The following ODC1 variants were observed in gnomAD, a reference collection of about 807,000 sequenced individuals.
ODC1 encodes the protein ornithine decarboxylase 1, also known as ornithine decarboxylase.
ODC1 carries 18 observed loss-of-function variants against 41.5 expected under a neutral mutation model. The ratio of observed to expected loss-of-function variants is 0.43; its 90% CI spans 0.30 to 0.64. ODC1 has a LOEUF of 0.64. Ranked by LOEUF, ODC1 falls within the 30% of genes least tolerant of loss-of-function variation. ODC1 has a pLI of 0.11. For missense variants in ODC1, 504 were observed against 589.0 expected (o/e 0.86, Z 1.49); for synonymous variants, 218 against 211.6 (o/e 1.03, Z -0.26).
chr2:10,442,197 A>G (rs371947722), intron 8 of ODC1, 23 bp from the exon 9 acceptor site: 3 of 1,578,242 alleles, frequency 1.9e-6, no homozygotes, highest in Non-Finnish European at 1.7e-6. Context: ...AACAGAAAAG[A>G]AAGAGCAGCC....
chr2:10,444,505 G>A lies in ODC1; in HGVS notation c.245C>T (p.Ala82Val). 6.2e-7 allele frequency: 1 copy of A among 1,613,330 alleles called. No individual in the cohort carries two copies. The change falls in exon 4 of 12, where the codon GCT (alanine) becomes GTT (valine). Residue 82 changes from alanine to valine, a missense_variant. Physicochemically the swap from Ala to Val is moderately conservative, Grantham distance 64. Transcript: ENST00000234111. ...AGCACAGTCAAATCCTGTCCCGGTA[G>A]CAGCAAGGGTCTTCACGATGGCTTT... The part of the protein sequence containing the change: ...DSKAIVKTLA[A>V]TGTGFDCASK...
chr2:10,443,218 G>C lies in ODC1; in HGVS notation c.750+12C>G, dbSNP rs917778049. 6.3e-7 allele frequency: 1 copy of C among 1,597,282 alleles called. No individual in the cohort carries two copies. Among genetic ancestry groups the C allele is most frequent in the Non-Finnish European group, 8.5e-7 (1 of 1,171,028 alleles). On this transcript the variant is annotated intron_variant, in intron 8 of 11. Coordinates refer to ENST00000234111, the MANE Select transcript of ODC1 (RefSeq NM_002539.3). ...AACGGCTACTGAGTATTACAGTTTT[G>C]TTCTAAATTACCTCTTCAAATTTAA... is the stretch of plus-strand genomic sequence containing the variant.
Position 10,441,492 on chromosome 2 carries a change from A to G in ODC1, c.1241+17T>C. On this transcript the variant is annotated intron_variant, in intron 11 of 11. Transcript: ENST00000234111. The stretch of plus-strand genomic sequence containing the variant: ...GCCTATTCTTGGCAGCACCATCAAC[A>G]TGCATGGCTTACTTACCACGCAGGC... 6.2e-7 allele frequency: 1 copy of G among 1,611,228 alleles called. No homozygotes were observed. The highest frequency in any genetic ancestry group is 2.2e-5 in the East Asian group (1 of 44,782).
At chr2:10,447,214 G>A (rs1414797714) in intron 1 of ODC1, among the ~76,000 whole-genome samples, 1 of 151,944 alleles carries the variant, frequency 6.6e-6, no homozygotes, top group Non-Finnish European at 1.5e-5. Flanking sequence ...AACACCTTTC[G>A]GTCTTTCTGT....
intron 1 of ODC1, among the ~76,000 whole-genome samples, chr2:10,445,878 C>T (rs925566713): frequency 1.3e-5 from 2 of 152,160 alleles, no homozygotes; most frequent in Non-Finnish European, 2.9e-5. Flanking sequence ...CCAGGTGATC[C>T]ACCCGCCTCG....
intron 8 of ODC1, 106 bp downstream of exon 8, chr2:10,443,124 C>T (rs914343899): frequency 3.6e-6 from 3 of 828,398 alleles, no homozygotes; most frequent in South Asian, 1.5e-5. Flanking sequence ...CACACCAAGA[C>T]ACTTCAGCCC....
At chr2:10,446,658 A>G in intron 1 of ODC1, 1 of 321,092 alleles carries the variant, frequency 3.1e-6, no homozygotes, top group South Asian at 2.4e-5. Flanking sequence ...CAGCTTTCTT[A>G]AAATTATTTA....
rs766657462 is a variant in ODC1, at chr2:10,440,596, A to C, written c.*128T>G. On this transcript the variant is annotated 3_prime_UTR_variant, in exon 12 of 12. Coordinates refer to ENST00000234111, the MANE Select transcript of ODC1 (RefSeq NM_002539.3). ...AGTGTGACCCATATCCTAGTCTTCC[A>C]TATGGCTGCATCATGGCGACCCTAC... is the stretch of plus-strand genomic sequence containing the variant. 1.1e-5 allele frequency: 9 copies of C among 847,312 alleles called. No homozygotes were observed. Among genetic ancestry groups the C allele is most frequent in the African/African-American group, 1.7e-5 (1 of 58,538 alleles). The allele number at this position is 847,312 out of a possible 1,614,324, so 52.5% of individuals were successfully genotyped here. A position where few individuals can be genotyped will look rare whatever the true frequency, so the allele number is the denominator to read the frequency against.
intron 4 of ODC1, 65 bp downstream of exon 4, chr2:10,444,409 C>T: frequency 6.5e-7 from 1 of 1,527,148 alleles, no homozygotes; most frequent in Non-Finnish European, 8.8e-7. Flanking sequence ...CAACTTGTAT[C>T]TGCCTCGTGG....
intron 1 of ODC1, among the ~76,000 whole-genome samples, chr2:10,446,436 G>A (rs577846294): frequency 2.6e-5 from 4 of 152,330 alleles, no homozygotes; most frequent in Admixed American, 6.5e-5. Flanking sequence ...CACCACGCCC[G>A]GCTAGAACTC....
intron 1 of ODC1, chr2:10,446,829 G>C: frequency 3.2e-6 from 1 of 313,482 alleles, no homozygotes; most frequent in Non-Finnish European, 6.2e-6. Context: ...TGACGGGCCT[G>C]TCATAAATCC....
At chr2:10,441,486 A>G (rs1671813994) in intron 11 of ODC1, 23 bp downstream of exon 11, 2 of 1,609,132 alleles carry the variant, frequency 1.2e-6, no homozygotes, top group East Asian at 2.2e-5. Context: ...TGGCAGCACC[A>G]TCAACATGCA....
chr2:10,443,679 T>C (rs1671911628), intron 6 of ODC1, 23 bp downstream of exon 6: 3 of 1,613,406 alleles, frequency 1.9e-6, no homozygotes, highest in African/African-American at 1.3e-5. Flanking sequence ...TCTTGACCTC[T>C]AGCTATCCCA....
At chr2:10,444,386 T>A in intron 4 of ODC1, 88 bp downstream of exon 4, 1 of 1,514,980 alleles carries the variant, frequency 6.6e-7, no homozygotes, top group East Asian at 2.3e-5. Context: ...GAGCATTTAT[T>A]GCCCAAAAAA....
Position 10,443,536 on chromosome 2 carries a change from G to T in ODC1, c.620C>A (p.Thr207Asn), listed in dbSNP as rs754074772. Residue 207 changes from threonine to asparagine, a missense_variant, in exon 7 of 12, where the codon ACC (threonine) becomes AAC (asparagine). This residue lies in a region of ODC1 where 447 missense variants were observed against 524.4 expected (regional missense o/e 0.85). Coordinates refer to ENST00000234111, the MANE Select transcript of ODC1 (RefSeq NM_002539.3). ...GGCATCAGAGATTGCCTGCACGAAGGTCTCAGGATCGGTACAGCCGCTTCC... is the reference window on the plus strand; with the variant it reads ...GGCATCAGAGATTGCCTGCACGAAGTTCTCAGGATCGGTACAGCCGCTTCC... ...HVGSGCTDPE[T>N]FVQAISDARC... 6.2e-7 allele frequency: 1 copy of T among 1,614,044 alleles called. No individual in the cohort carries two copies. The highest frequency in any genetic ancestry group is 8.5e-7 in the Non-Finnish European group (1 of 1,179,978).
intron 5 of ODC1, 81 bp from the exon 6 acceptor site, chr2:10,443,917 C>G: frequency 6.4e-7 from 1 of 1,573,754 alleles, no homozygotes; most frequent in Non-Finnish European, 8.7e-7. Flanking sequence ...CAATCCTGTT[C>G]TAAATACTGT....
chr2:10,442,244 C>CAGGGCCTTGTGACATGACATCATG lies in ODC1; in HGVS notation c.751-94_751-71dup, dbSNP rs528605505. On this transcript the variant is annotated intron_variant, in intron 8 of 11. Coordinates refer to ENST00000234111, the MANE Select transcript of ODC1 (RefSeq NM_002539.3). ...AAATTCACATGGGGGAGTAACATCA[C>CAGGGCCTTGTGACATGACATCATG]AGGGCCTTGTGACATGACATCATGA... The CAGGGCCTTGTGACATGACATCATG allele has an allele frequency of 8.5e-5, 126 of 1,475,134 alleles. No homozygotes were observed. The African/African-American group carries it at 1.5e-3, about 17-fold the overall frequency. The allele number at this position is 1,475,134 out of a possible 1,614,324, so 91.4% of individuals were successfully genotyped here.
chr2:10,440,581 A>G lies in ODC1; in HGVS notation c.*143T>C, dbSNP rs1671786909. 2 of 719,320 alleles carry G rather than the reference A, an allele frequency of 2.8e-6. No homozygotes were observed. The highest frequency in any genetic ancestry group is 3.8e-5 in the South Asian group (2 of 53,180). The allele number at this position is 719,320 out of a possible 1,614,324, so 44.6% of individuals were successfully genotyped here. A position where few individuals can be genotyped will look rare whatever the true frequency, so the allele number is the denominator to read the frequency against. On this transcript the variant is annotated 3_prime_UTR_variant, in exon 12 of 12. Coordinates refer to ENST00000234111, the MANE Select transcript of ODC1 (RefSeq NM_002539.3). The stretch of plus-strand genomic sequence containing the variant: ...ATAGGAACACAGATAAGTGTGACCC[A>G]TATCCTAGTCTTCCATATGGCTGCA...
At chr2:10,440,985 C>G in intron 11 of ODC1, 117 bp from the exon 12 acceptor site, 2 of 1,165,342 alleles carry the variant, frequency 1.7e-6, no homozygotes, top group Non-Finnish European at 2.4e-6. Context: ...GAGACAGGGT[C>G]TTTCTCTGTT....
Sources: gnomAD v4.1 joint callset for allele counts (sites outside exome capture counted in the v4.1 genomes callset) on GRCh38, gnomAD v4.1.1 for gene constraint, gnomAD v4.1.1 regional missense constraint, MANE v1.5 for transcripts, NCBI Gene and HGNC (gene_info 2026-07-23, HGNC 2026-07-21) for gene names.